The following SLC35D4 variants were observed in gnomAD, a reference collection of about 807,000 sequenced individuals.
SLC35D4 encodes the protein UDP-N-acetylglucosamine transporter SLC35D4.
the SLC35D4 span, among the ~76,000 whole-genome samples, chr18:23,252,665 A>G: frequency 6.6e-6 from 1 of 152,126 alleles, no homozygotes; most frequent in Non-Finnish European, 1.5e-5. Flanking sequence ...ACAGGCTGAC[A>G]CCTGGGAACT....
the SLC35D4 span, among the ~76,000 whole-genome samples, chr18:23,309,977 G>A: frequency 6.6e-6 from 1 of 152,138 alleles, no homozygotes; most frequent in African/African-American, 2.4e-5. Context: ...CTGTTTTGGA[G>A]GTGAGAATGT....
chr18:23,309,666 T>A, the SLC35D4 span: 1 of 1,613,070 alleles, frequency 6.2e-7, no homozygotes, highest in African/African-American at 1.3e-5. Context: ...TATCTCTCTA[T>A]GCAAAAGACT....
the SLC35D4 span, among the ~76,000 whole-genome samples, chr18:23,276,390 A>G: frequency 1.3e-5 from 2 of 151,946 alleles, no homozygotes; most frequent in Admixed American, 1.3e-4. Flanking sequence ...GCCCAGCCAG[A>G]AAAGGGCACA....
At chr18:23,253,071 G>A in the SLC35D4 span, 7 of 1,575,206 alleles carry the variant, frequency 4.4e-6, no homozygotes, top group South Asian at 2.2e-5. Context: ...TAGGAGGTAC[G>A]GGAGGCTGGA....
At chr18:23,300,948 T>TG in the SLC35D4 span, among the ~76,000 whole-genome samples, 1 of 152,258 alleles carries the variant, frequency 6.6e-6, no homozygotes, top group Non-Finnish European at 1.5e-5. Flanking sequence ...AATTAATTCC[T>TG]GTTGAGCTAG....
chr18:23,383,714 G>A, the SLC35D4 span, among the ~76,000 whole-genome samples: 2 of 152,068 alleles, frequency 1.3e-5, no homozygotes, highest in Admixed American at 6.5e-5. Flanking sequence ...TGGGTGAAGT[G>A]AGTCTCTTCT....
the SLC35D4 span, among the ~76,000 whole-genome samples, chr18:23,330,238 C>T: frequency 6.6e-6 from 1 of 152,074 alleles, no homozygotes; most frequent in Admixed American, 6.5e-5. Context: ...GAAGAACAAT[C>T]CCATTTCTGT....
At chr18:23,329,325 T>C in the SLC35D4 span, among the ~76,000 whole-genome samples, 3 of 152,018 alleles carry the variant, frequency 2.0e-5, no homozygotes, top group Non-Finnish European at 4.4e-5. Flanking sequence ...AGGGCTAATA[T>C]CCAGAGTCTA....
At chr18:23,399,859 T>C in the SLC35D4 span, among the ~76,000 whole-genome samples, 2 of 152,198 alleles carry the variant, frequency 1.3e-5, no homozygotes, top group Non-Finnish European at 1.5e-5. Flanking sequence ...TTACTGATCA[T>C]CTAGCCTAAG....
chr18:23,377,603 A>G, the SLC35D4 span: 1 of 1,554,782 alleles, frequency 6.4e-7, no homozygotes, highest in Non-Finnish European at 8.6e-7. Flanking sequence ...AAATAGGTTA[A>G]ATCTTATATT....
the SLC35D4 span, among the ~76,000 whole-genome samples, chr18:23,283,352 A>G: frequency 6.6e-6 from 1 of 151,180 alleles, no homozygotes; most frequent in East Asian, 1.9e-4. Context: ...ATGGTGGTGC[A>G]TGTCCCAGCT....
chr18:23,301,201 T>G, the SLC35D4 span, among the ~76,000 whole-genome samples: 2 of 152,226 alleles, frequency 1.3e-5, no homozygotes, highest in African/African-American at 4.8e-5. Flanking sequence ...TCCTTGGGGC[T>G]CTGCCGAGTG....
the SLC35D4 span, among the ~76,000 whole-genome samples, chr18:23,348,565 C>G: frequency 6.6e-6 from 1 of 152,134 alleles, no homozygotes; most frequent in Non-Finnish European, 1.5e-5. Context: ...TGCATTAACA[C>G]TTTTATCATT....
chr18:23,372,361 A>T, the SLC35D4 span, among the ~76,000 whole-genome samples: 1 of 152,186 alleles, frequency 6.6e-6, no homozygotes, highest in Non-Finnish European at 1.5e-5. Flanking sequence ...GGATCACAGG[A>T]TACTCATGAC....
At chr18:23,413,106 C>A in the SLC35D4 span, among the ~76,000 whole-genome samples, 1 of 152,192 alleles carries the variant, frequency 6.6e-6, no homozygotes, top group Non-Finnish European at 1.5e-5. Context: ...TGGGCTCAAG[C>A]AATCTTCCTG....
the SLC35D4 span, among the ~76,000 whole-genome samples, chr18:23,244,055 C>G: frequency 6.6e-6 from 1 of 152,184 alleles, no homozygotes; most frequent in Non-Finnish European, 1.5e-5. Context: ...TTTTGACAAT[C>G]ACTTCGTGAT....
chr18:23,353,488 T>A, the SLC35D4 span, among the ~76,000 whole-genome samples: 1 of 152,206 alleles, frequency 6.6e-6, no homozygotes, highest in South Asian at 2.1e-4. Flanking sequence ...ACTGAATTAA[T>A]TGAACACACC....
At chr18:23,386,670 A>G in the SLC35D4 span, among the ~76,000 whole-genome samples, 866 of 145,062 alleles carry the variant, frequency 6.0e-3, 10 homozygotes, top group African/African-American at 0.021. Flanking sequence ...TCAAAGAAAT[A>G]TTTAGGAGAC....
the SLC35D4 span, among the ~76,000 whole-genome samples, chr18:23,249,001 G>GA: frequency 6.6e-6 from 1 of 152,364 alleles, no homozygotes; most frequent in East Asian, 1.9e-4. Flanking sequence ...TTGGACTTGG[G>GA]AAACTGGCGC....
Sources: allele counts gnomAD v4.1 joint callset (sites outside exome capture counted in the v4.1 genomes callset), GRCh38; gene constraint gnomAD v4.1.1; transcripts MANE v1.5; gene names NCBI Gene and HGNC (gene_info 2026-07-23, HGNC 2026-07-21).